Variants in KIRREL3 observed in about 807,000 individuals in gnomAD.
KIRREL3 encodes the protein kirre like nephrin family adhesion molecule 3.
KIRREL3 carries 36 observed loss-of-function variants against 89.7 expected under a neutral mutation model. The observed-to-expected ratio is 0.40, with a 90% CI of 0.31 to 0.53. The LOEUF (loss-of-function observed/expected upper bound fraction) is 0.53, where lower values mean the gene tolerates loss of function less well. KIRREL3 is among the 20% of genes least tolerant of loss of function. The probability of loss-of-function intolerance (pLI) is 0.49; values close to 1 mark genes in which losing one functional copy is unlikely to be tolerated. For missense variants in KIRREL3, 864 were observed against 1,056.6 expected, an observed-to-expected ratio of 0.82 and a Z score of 2.53; for synonymous variants, 445 against 441.4, an observed-to-expected ratio of 1.01 and a Z score of -0.10.
At chr11:126,536,611 G>A (rs1391602826) in intron 2 of KIRREL3, among the ~76,000 whole-genome samples, 1 of 150,228 alleles carries the variant, frequency 6.7e-6, no homozygotes, top group African/African-American at 2.5e-5. Context: ...GATCGGGGGT[G>A]CTGAGTATCC....
At position 126,879,921 on chromosome 11, in the gene KIRREL3, C is replaced by T. The variant is rs569839334; in HGVS notation, c.55+120534G>A. Among the ~76,000 whole-genome samples the T allele has an allele frequency of 6.6e-6, 1 of 152,250 alleles. No homozygotes were observed. Among genetic ancestry groups the T allele is most frequent in the African/African-American group, 2.4e-5 (1 of 41,540 alleles). On this transcript the variant is annotated intron_variant, in intron 1 of 16. Transcript: ENST00000525144. This position sits in a 1 kb window ranked among gnomAD's most constrained non-coding sequence, Gnocchi z 5.4. Reference sequence around the variant, plus strand: ...AGACCATTCCCCCACCACCCCGCCGCCATCTCAGTTATTCAAGAAGGAAGC... The same window carrying T: ...AGACCATTCCCCCACCACCCCGCCGTCATCTCAGTTATTCAAGAAGGAAGC...
intron 1 of KIRREL3, among the ~76,000 whole-genome samples, chr11:126,787,615 A>C (rs1365453986): frequency 6.6e-6 from 1 of 152,214 alleles, no homozygotes; most frequent in African/African-American, 2.4e-5. Flanking sequence ...TGTTCTTTCA[A>C]TTCCTTGGTT....
intron 1 of KIRREL3, among the ~76,000 whole-genome samples, chr11:126,572,071 C>T (rs1207855285): frequency 6.6e-6 from 1 of 152,202 alleles, no homozygotes; most frequent in Admixed American, 6.5e-5. Context: ...AGCTATGTGT[C>T]CTACCCCTGG....
In KIRREL3 at chr11:126,558,215, C is replaced by G. The variant is rs116546720; in HGVS notation, c.133+4620G>C. ...TCTGCTTCTTCCCTCCTTTAAATAT[C>G]CTCTTCCTCATTTCCCCTTCTCAAG... On this transcript the variant is annotated intron_variant, in intron 2 of 16. Coordinates refer to ENST00000525144, the MANE Select transcript of KIRREL3 (RefSeq NM_032531.4). The surrounding 1 kb of genome is among the most constrained non-coding windows in gnomAD (Gnocchi z 4.0). 6.6e-6 allele frequency among the ~76,000 whole-genome samples: 1 copy of G among 152,126 alleles called. No homozygotes were observed. Among genetic ancestry groups the G allele is most frequent in the Non-Finnish European group, 1.5e-5 (1 of 68,030 alleles).
intron 1 of KIRREL3, among the ~76,000 whole-genome samples, chr11:126,982,259 G>C (rs939032470): frequency 6.6e-6 from 1 of 152,192 alleles, no homozygotes; most frequent in Non-Finnish European, 1.5e-5. Context: ...TGTTAAGGTA[G>C]AGCTGTCAGA....
At chr11:126,638,853 C>T (rs369279975) in intron 1 of KIRREL3, among the ~76,000 whole-genome samples, 101 of 152,266 alleles carry the variant, frequency 6.6e-4, no homozygotes, top group African/African-American at 1.5e-3. Flanking sequence ...GGCATCACCC[C>T]GTCTCCCCAT....
chr11:126,718,252 C>G (rs944350925), intron 1 of KIRREL3, among the ~76,000 whole-genome samples: 7 of 152,194 alleles, frequency 4.6e-5, no homozygotes, highest in Non-Finnish European at 1.0e-4. Flanking sequence ...CCCACCTCTT[C>G]TGTGCTATGG....
At chr11:126,821,672 C>A (rs1445319787) in intron 1 of KIRREL3, among the ~76,000 whole-genome samples, 1 of 151,768 alleles carries the variant, frequency 6.6e-6, no homozygotes. Context: ...GGTTGCTAAT[C>A]AGCTGAAATT....
At chr11:126,707,846 T>TC (rs1383091347) in intron 1 of KIRREL3, among the ~76,000 whole-genome samples, 4 of 151,702 alleles carry the variant, frequency 2.6e-5, no homozygotes, top group African/African-American at 9.7e-5. Context: ...TTTTTTTTTT[T>TC]TGGCTTTCCT....
rs1296707188 is a variant in KIRREL3 at position 126,953,506 on chromosome 11, G to A, written c.55+46949C>T. Among the ~76,000 whole-genome samples, 1 of 151,996 alleles carries A rather than the reference G, an allele frequency of 6.6e-6. No homozygotes were observed. The highest frequency in any genetic ancestry group is 2.4e-5 in the African/African-American group (1 of 41,366). On this transcript the variant is annotated intron_variant, in intron 1 of 16. Transcript: ENST00000525144. This position sits in a 1 kb window ranked among gnomAD's most constrained non-coding sequence, Gnocchi z 5.2. Reference sequence around the variant, plus strand: ...TATAAAAAAGAATAACTAGAGTTTTGTTCATCTTTTCATAATAAACGTGCT... The same window carrying A: ...TATAAAAAAGAATAACTAGAGTTTTATTCATCTTTTCATAATAAACGTGCT...
chr11:126,691,881 GAT>G (rs773275355), intron 1 of KIRREL3, among the ~76,000 whole-genome samples: 37 of 152,216 alleles, frequency 2.4e-4, no homozygotes, highest in Non-Finnish European at 8.8e-5. Context: ...TTTCTCCAAA[GAT>G]GATTTACAAA....
Position 126,531,112 on chromosome 11 carries a change from G to A in KIRREL3, c.134-4425C>T, listed in dbSNP as rs1331083283. ...CAAAGTGTTGGGATTACGAGCGTGA[G>A]CCACCATGCCCGGCCCCATGCTTTG... is the stretch of plus-strand genomic sequence containing the variant. On this transcript the variant is annotated intron_variant, in intron 2 of 16. Transcript: ENST00000525144. This position sits in a 1 kb window ranked among gnomAD's most constrained non-coding sequence, Gnocchi z 4.7. Among the ~76,000 whole-genome samples, 1 of 152,142 alleles carries A rather than the reference G, an allele frequency of 6.6e-6. No homozygotes were observed. Among genetic ancestry groups the A allele is most frequent in the Non-Finnish European group, 1.5e-5 (1 of 68,032 alleles).
At chr11:126,967,703 A>G (rs1448092425) in intron 1 of KIRREL3, among the ~76,000 whole-genome samples, 1 of 151,994 alleles carries the variant, frequency 6.6e-6, no homozygotes, top group Admixed American at 6.6e-5. Context: ...TTTTCTTCAC[A>G]TTACACAGCA....
rs554384161 is a variant in KIRREL3 at position 126,768,367 on chromosome 11, C to T, written c.56-205455G>A. On this transcript the variant is annotated intron_variant, in intron 1 of 16. Transcript: ENST00000525144. The surrounding 1 kb of genome is among the most constrained non-coding windows in gnomAD (Gnocchi z 4.5). ...CCACTTATCCCACAAATACTGAGTG[C>T]TCATTGTATGCAGGCACTGCATGTC... Among the ~76,000 whole-genome samples the T allele has an allele frequency of 1.3e-5, 2 of 152,352 alleles. No individual in the cohort carries two copies. The highest frequency in any genetic ancestry group is 2.1e-4 in the South Asian group (1 of 4,824).
intron 1 of KIRREL3, among the ~76,000 whole-genome samples, chr11:126,865,192 C>A (rs1476771279): frequency 2.0e-5 from 3 of 152,232 alleles, no homozygotes; most frequent in Admixed American, 1.3e-4. Context: ...CCATCTGTAG[C>A]TAAAATGCCT....
chr11:126,795,360 A>C lies in KIRREL3; in HGVS notation c.55+205095T>G, dbSNP rs1950774361. 6.6e-6 allele frequency among the ~76,000 whole-genome samples: 1 copy of C among 152,086 alleles called. No individual in the cohort carries two copies. Among genetic ancestry groups the C allele is most frequent in the Non-Finnish European group, 1.5e-5 (1 of 68,022 alleles). On this transcript the variant is annotated intron_variant, in intron 1 of 16. Coordinates refer to ENST00000525144, the MANE Select transcript of KIRREL3 (RefSeq NM_032531.4). This position sits in a 1 kb window ranked among gnomAD's most constrained non-coding sequence, Gnocchi z 4.1. Reference sequence around the variant, plus strand: ...TTGGGAGGGAGAGGACGTACATATAAATTTTATTTTATTTTACTTTATTTT... The same window carrying C: ...TTGGGAGGGAGAGGACGTACATATACATTTTATTTTATTTTACTTTATTTT...
At position 126,527,691 on chromosome 11, in the gene KIRREL3, C is replaced by T. The variant is rs1401756354; in HGVS notation, c.134-1004G>A. ...ATGGGGCATTGTCAACCCCATTTGA[C>T]AGGACTTTGGGAAACGGAGGCTCAG... is the stretch of plus-strand genomic sequence containing the variant. On this transcript the variant is annotated intron_variant, in intron 2 of 16. Coordinates refer to ENST00000525144, the MANE Select transcript of KIRREL3 (RefSeq NM_032531.4). The surrounding 1 kb of genome is among the most constrained non-coding windows in gnomAD (Gnocchi z 4.2). Among the ~76,000 whole-genome samples, 1 of 152,098 alleles carries T rather than the reference C, an allele frequency of 6.6e-6. No homozygotes were observed. Among genetic ancestry groups the T allele is most frequent in the Non-Finnish European group, 1.5e-5 (1 of 68,020 alleles).
intron 1 of KIRREL3, among the ~76,000 whole-genome samples, chr11:126,806,513 T>G (rs1487676792): frequency 2.6e-5 from 4 of 152,194 alleles, no homozygotes; most frequent in East Asian, 3.8e-4. Context: ...TATGGCAGTT[T>G]CATGTAGTAG....
intron 1 of KIRREL3, among the ~76,000 whole-genome samples, chr11:126,767,737 T>G (rs1949874218): frequency 6.6e-6 from 1 of 152,230 alleles, no homozygotes; most frequent in African/African-American, 2.4e-5. Flanking sequence ...TTCAGCCTGA[T>G]GCTAGAGACG....
Sources: allele counts gnomAD v4.1 joint callset (sites outside exome capture counted in the v4.1 genomes callset), GRCh38; gene constraint gnomAD v4.1.1; non-coding constraint Gnocchi (gnomAD v3.1); transcripts MANE v1.5; gene names NCBI Gene and HGNC (gene_info 2026-07-23, HGNC 2026-07-21).